The following NRG2 variants were observed in gnomAD, a reference collection of about 807,000 sequenced individuals.
NRG2 encodes neuregulin 2, also known as pro-neuregulin-2, membrane-bound isoform.
Under a neutral mutation model 73.9 loss-of-function variants are expected in NRG2, and 27 were observed. The observed-to-expected ratio is 0.37, with a 90% CI of 0.27 to 0.50. The LOEUF (loss-of-function observed/expected upper bound fraction) is 0.50. Among genes scored for constraint, NRG2 ranks in the 20% least tolerant of loss-of-function variants. The probability of loss-of-function intolerance (pLI) is 0.96; values close to 1 mark genes in which losing one functional copy is unlikely to be tolerated. For synonymous variants in NRG2, 532 were observed against 541.0 expected (o/e 0.98, Z 0.23); for missense variants, 1,126 against 1,210.1 (o/e 0.93, Z 1.03).
At chr5:139,973,577 G>A (rs1197616217) in intron 1 of NRG2, among the ~76,000 whole-genome samples, 1 of 152,134 alleles carries the variant, frequency 6.6e-6, no homozygotes. Context: ...GCCCACACTG[G>A]TCTCAAACTC....
chr5:140,027,313 A>C (rs1760774047), intron 1 of NRG2, among the ~76,000 whole-genome samples: 1 of 152,232 alleles, frequency 6.6e-6, no homozygotes, highest in Non-Finnish European at 1.5e-5. Context: ...TGTGCCCCAC[A>C]GATCCTTTCT....
chr5:139,853,052 G>C lies in NRG2; in HGVS notation c.1293-25C>G, dbSNP rs2127004443. On this transcript the variant is annotated intron_variant, in intron 6 of 9. Transcript: ENST00000361474. The surrounding 1 kb of genome is among the most constrained non-coding windows in gnomAD (Gnocchi z 4.1). The stretch of plus-strand genomic sequence containing the variant: ...TCTGCACAAGGGAAGGGAAGGTGAG[G>C]CTGGCATTCCCCCCACTCGCCAACG... The C allele has an allele frequency of 6.2e-7, 1 of 1,612,166 alleles. No individual in the cohort carries two copies. The highest frequency in any genetic ancestry group is 8.5e-7 in the Non-Finnish European group (1 of 1,179,302).
intron 1 of NRG2, among the ~76,000 whole-genome samples, chr5:139,995,374 T>G (rs963228252): frequency 6.6e-6 from 1 of 152,042 alleles, no homozygotes; most frequent in African/African-American, 2.4e-5. Flanking sequence ...TGGGCAGCAG[T>G]GATTTCCTGA....
intron 1 of NRG2, among the ~76,000 whole-genome samples, chr5:139,939,462 A>T (rs1029304131): frequency 6.6e-6 from 1 of 151,992 alleles, no homozygotes; most frequent in Non-Finnish European, 1.5e-5. Flanking sequence ...TTCAGTAGAG[A>T]CAGGGTTTCA....
intron 1 of NRG2, among the ~76,000 whole-genome samples, chr5:139,998,238 C>T (rs1336294488): frequency 6.6e-6 from 1 of 152,130 alleles, no homozygotes; most frequent in Non-Finnish European, 1.5e-5. Flanking sequence ...CCTCTAGTTT[C>T]TACTCTGGAA....
At position 139,863,272 on chromosome 5, in the gene NRG2, T is replaced by A. The variant is rs190374977; in HGVS notation, c.1189+2277A>T. Among the ~76,000 whole-genome samples, 68 of 152,364 alleles carry A rather than the reference T, an allele frequency of 4.5e-4. 2 individuals are homozygous for A. In the East Asian group the frequency reaches 0.013, roughly 29 times the overall value. On this transcript the variant is annotated intron_variant, in intron 5 of 9. Coordinates refer to ENST00000361474, the MANE Select transcript of NRG2 (RefSeq NM_004883.3). ...TCTTTGAATCCGAAGCCTGAACACT[T>A]AAGCCAGCACTTTACACTACCTTTT...
At chr5:140,031,269 T>C (rs1361147300) in intron 1 of NRG2, among the ~76,000 whole-genome samples, 3 of 152,118 alleles carry the variant, frequency 2.0e-5, no homozygotes, top group East Asian at 1.9e-4. Context: ...TGGGATGAAG[T>C]GGGAGAGGTG....
At chr5:139,919,324 A>G (rs1042561944) in intron 1 of NRG2, among the ~76,000 whole-genome samples, 1 of 152,038 alleles carries the variant, frequency 6.6e-6, no homozygotes, top group Admixed American at 6.6e-5. Context: ...GCTTGAGAAA[A>G]TGATCTTCAA....
chr5:139,873,616 G>A (rs894919619), intron 3 of NRG2, among the ~76,000 whole-genome samples: 3 of 152,258 alleles, frequency 2.0e-5, no homozygotes, highest in East Asian at 1.9e-4. Context: ...GAATGCAAGC[G>A]CAGTGAGGAC....
intron 1 of NRG2, among the ~76,000 whole-genome samples, chr5:139,997,993 C>A (rs11953317): frequency 1.4e-4 from 21 of 152,278 alleles, no homozygotes; most frequent in Admixed American, 1.3e-3. Context: ...GAGTGGGGTA[C>A]GTGGGGCCTG....
intron 1 of NRG2, among the ~76,000 whole-genome samples, chr5:139,950,061 A>T (rs1277605815): frequency 1.3e-5 from 2 of 152,228 alleles, no homozygotes; most frequent in Non-Finnish European, 2.9e-5. Context: ...CTAGGGGGAA[A>T]CCTGATTAAA....
chr5:140,013,619 G>A (rs186983680), intron 1 of NRG2, among the ~76,000 whole-genome samples: 79 of 152,242 alleles, frequency 5.2e-4, no homozygotes, highest in Non-Finnish European at 9.7e-4. Context: ...CTACTCCTTT[G>A]TTCACCTTTG....
chr5:139,942,727 T>C (rs1473131351), intron 1 of NRG2, among the ~76,000 whole-genome samples: 1 of 152,248 alleles, frequency 6.6e-6, no homozygotes, highest in Non-Finnish European at 1.5e-5. Context: ...TAATACTCTT[T>C]AGTGAATTTA....
Position 139,884,082 on chromosome 5 carries a change from C to T in NRG2, c.873-3108G>A, listed in dbSNP as rs569329547. Among the ~76,000 whole-genome samples, 10 of 152,270 alleles carry T rather than the reference C, an allele frequency of 6.6e-5. No homozygotes were observed. The East Asian group carries it at 9.6e-4, about 15-fold the overall frequency. ...AGGAGGGCTAGTCCTGCAAGATTCT[C>T]GTCAGTTCAGCCCTCAGTGTAGAGC... On this transcript the variant is annotated intron_variant, in intron 2 of 9. Coordinates refer to ENST00000361474, the MANE Select transcript of NRG2 (RefSeq NM_004883.3).
At chr5:140,010,111 A>C (rs188435362) in intron 1 of NRG2, among the ~76,000 whole-genome samples, 179 of 152,276 alleles carry the variant, frequency 1.2e-3, no homozygotes, top group Non-Finnish European at 2.1e-3. Flanking sequence ...CAGTCTGGCC[A>C]ACGTGGTGAA....
intron 1 of NRG2, among the ~76,000 whole-genome samples, chr5:139,893,343 G>C (rs1764341021): frequency 6.6e-6 from 1 of 152,196 alleles, no homozygotes; most frequent in Admixed American, 6.5e-5. Flanking sequence ...GCTGAAGGGA[G>C]GAGCAGCAGT....
chr5:139,931,246 T>C (rs72796713), intron 1 of NRG2, among the ~76,000 whole-genome samples: 4,014 of 152,282 alleles, frequency 0.026, 69 homozygotes, highest in Middle Eastern at 0.065. Context: ...ATATTCCCAA[T>C]CCTGAAAGAG....
chr5:139,983,241 G>C (rs764163016), intron 1 of NRG2, among the ~76,000 whole-genome samples: 27 of 152,176 alleles, frequency 1.8e-4, no homozygotes, highest in Admixed American at 6.5e-5. Context: ...TGGAGGAGAA[G>C]GTGGCTGTGA....
chr5:140,003,645 G>A (rs927791333), intron 1 of NRG2, among the ~76,000 whole-genome samples: 2 of 152,160 alleles, frequency 1.3e-5, no homozygotes, highest in Non-Finnish European at 2.9e-5. Flanking sequence ...CTCCAGAATT[G>A]TAAGATAATG....
Sources: allele counts gnomAD v4.1 joint callset (sites outside exome capture counted in the v4.1 genomes callset), GRCh38; gene constraint gnomAD v4.1.1; non-coding constraint Gnocchi (gnomAD v3.1); transcripts MANE v1.5; gene names NCBI Gene and HGNC (gene_info 2026-07-23, HGNC 2026-07-21).